FAM210A: variants seen among roughly 807,000 people sequenced by gnomAD.
The protein encoded by FAM210A is mitochondrial inner membrane scaffold 1.
A neutral mutation model predicts 25.3 loss-of-function variants in FAM210A; 13 were observed. The observed-to-expected ratio is 0.51, with a 90% confidence interval of 0.33 to 0.82. The LOEUF (loss-of-function observed/expected upper bound fraction) is 0.82, where lower values mean the gene tolerates loss of function less well. Among genes scored for constraint, FAM210A ranks in the 40% least tolerant of loss-of-function variants. FAM210A has a pLI of 0.02. For synonymous variants in FAM210A, 125 were observed against 118.7 expected, an observed-to-expected ratio of 1.05 and a Z score of -0.35; for missense variants, 319 against 323.2, an observed-to-expected ratio of 0.99 and a Z score of 0.10.
At chr18:13,722,502 T>C (rs2043905413) in intron 1 of FAM210A, among the ~76,000 whole-genome samples, 1 of 152,162 alleles carries the variant, frequency 6.6e-6, no homozygotes, top group Admixed American at 6.5e-5. Flanking sequence ...TCCTCAGAGG[T>C]GGAAGAACTG....
chr18:13,701,822 C>T (rs2043742582), intron 1 of FAM210A, among the ~76,000 whole-genome samples: 1 of 152,154 alleles, frequency 6.6e-6, no homozygotes, highest in Non-Finnish European at 1.5e-5. Flanking sequence ...GACTGCAGTA[C>T]CAATTGGCTG....
At chr18:13,702,044 G>A (rs535525444) in intron 1 of FAM210A, among the ~76,000 whole-genome samples, 250 of 152,314 alleles carry the variant, frequency 1.6e-3, no homozygotes, top group African/African-American at 5.5e-3. Context: ...ACTTTTACCC[G>A]TGGTTCCACA....
intron 1 of FAM210A, among the ~76,000 whole-genome samples, chr18:13,724,060 A>G (rs993752564): frequency 6.6e-6 from 1 of 152,078 alleles, no homozygotes; most frequent in Non-Finnish European, 1.5e-5. Flanking sequence ...CTTTAAAATT[A>G]TACCTCTGAG....
At chr18:13,716,697 C>A (rs970600354) in intron 1 of FAM210A, among the ~76,000 whole-genome samples, 3 of 152,076 alleles carry the variant, frequency 2.0e-5, no homozygotes, top group Admixed American at 1.3e-4. Context: ...GGAGTTCTCA[C>A]GAGATCTGAT....
At chr18:13,718,480 T>C (rs1209912199) in intron 1 of FAM210A, among the ~76,000 whole-genome samples, 2 of 151,912 alleles carry the variant, frequency 1.3e-5, no homozygotes, top group Non-Finnish European at 2.9e-5. Flanking sequence ...TGCAAGGACA[T>C]GTAATAGTTC....
chr18:13,685,465 C>G (rs1398063752), intron 1 of FAM210A, among the ~76,000 whole-genome samples: 1 of 152,128 alleles, frequency 6.6e-6, no homozygotes, highest in Non-Finnish European at 1.5e-5. Context: ...GGACGGCCAC[C>G]TTTGAGACTT....
intron 1 of FAM210A, 74 bp downstream of exon 1, chr18:13,726,255 C>CG: frequency 6.5e-6 from 1 of 152,692 alleles, no homozygotes; most frequent in African/African-American, 2.4e-5. Context: ...AGTCAGCTCC[C>CG]GGACACACGC....
chr18:13,688,238 A>T (rs1263803074), intron 1 of FAM210A, among the ~76,000 whole-genome samples: 7 of 152,170 alleles, frequency 4.6e-5, no homozygotes, highest in Admixed American at 4.6e-4. Flanking sequence ...AGAACTTCCA[A>T]ACGTGTGTGC....
chr18:13,685,714 T>A (rs376148567), intron 1 of FAM210A, among the ~76,000 whole-genome samples: 3 of 152,208 alleles, frequency 2.0e-5, no homozygotes, highest in African/African-American at 7.2e-5. Flanking sequence ...CTAAAACGTT[T>A]AAAGCCAAGC....
chr18:13,709,110 G>A (rs1282358387), intron 1 of FAM210A, among the ~76,000 whole-genome samples: 3 of 152,106 alleles, frequency 2.0e-5, no homozygotes, highest in Non-Finnish European at 2.9e-5. Flanking sequence ...CTCACATTCT[G>A]CTCAGAAACT....
At chr18:13,670,595 A>T (rs1261232620) in intron 3 of FAM210A, among the ~76,000 whole-genome samples, 1 of 152,192 alleles carries the variant, frequency 6.6e-6, no homozygotes, top group Non-Finnish European at 1.5e-5. Flanking sequence ...AGACCCTCAT[A>T]AATATTTGTC....
At chr18:13,712,395 G>A (rs938793202) in intron 1 of FAM210A, among the ~76,000 whole-genome samples, 1 of 152,168 alleles carries the variant, frequency 6.6e-6, no homozygotes, top group South Asian at 2.1e-4. Flanking sequence ...CAATTTGACA[G>A]TCATGTTAAA....
chr18:13,705,959 T>C (rs911489637), intron 1 of FAM210A, among the ~76,000 whole-genome samples: 1 of 152,220 alleles, frequency 6.6e-6, no homozygotes, highest in African/African-American at 2.4e-5. Flanking sequence ...AGAGGACTGA[T>C]GTTATAACAC....
chr18:13,695,445 C>G lies in FAM210A; in HGVS notation c.-28-13340G>C, dbSNP rs528640592. Among the ~76,000 whole-genome samples the G allele has an allele frequency of 1.6e-4, 24 of 152,228 alleles. 1 individual carries two copies. Among genetic ancestry groups the G allele is most frequent in the South Asian group, 1.0e-3 (5 of 4,828 alleles). On this transcript the variant is annotated intron_variant, in intron 1 of 3. Coordinates refer to ENST00000651643, the MANE Select transcript of FAM210A (RefSeq NM_152352.4). ...TTTATTGTGGCGCTATTCACAATAG[C>G]AAAGACTTGGGACCAACCCAAATGT...
intron 1 of FAM210A, among the ~76,000 whole-genome samples, chr18:13,720,724 T>C (rs903169405): frequency 6.6e-6 from 1 of 152,164 alleles, no homozygotes; most frequent in Non-Finnish European, 1.5e-5. Flanking sequence ...GCTGCTGTAA[T>C]AGAGAACCAC....
intron 1 of FAM210A, among the ~76,000 whole-genome samples, chr18:13,723,462 G>T (rs557493353): frequency 1.3e-5 from 2 of 152,344 alleles, no homozygotes; most frequent in Admixed American, 6.5e-5. Context: ...AACTGTAGGG[G>T]ATAGCAACTT....
chr18:13,667,940 G>A (rs979292624), intron 3 of FAM210A, among the ~76,000 whole-genome samples: 1 of 152,190 alleles, frequency 6.6e-6, no homozygotes, highest in Admixed American at 6.5e-5. Flanking sequence ...GCATGTGCCT[G>A]TAGTCCCAGC....
At chr18:13,706,305 A>C (rs2043777455) in intron 1 of FAM210A, among the ~76,000 whole-genome samples, 1 of 150,306 alleles carries the variant, frequency 6.7e-6, no homozygotes, top group Non-Finnish European at 1.5e-5. Context: ...TCTTATCTTT[A>C]AATACTTTTC....
intron 1 of FAM210A, among the ~76,000 whole-genome samples, chr18:13,722,319 C>T (rs1368833226): frequency 2.6e-5 from 4 of 151,384 alleles, no homozygotes; most frequent in Non-Finnish European, 5.9e-5. Flanking sequence ...ACCATCCCTG[C>T]TGCAGCTAAG....
Sources: gnomAD v4.1 joint callset for allele counts (sites outside exome capture counted in the v4.1 genomes callset) on GRCh38, gnomAD v4.1.1 for gene constraint, MANE v1.5 for transcripts, NCBI Gene and HGNC (gene_info 2026-07-23, HGNC 2026-07-21) for gene names.